CALN1: variants seen among roughly 807,000 people sequenced by gnomAD.
CALN1 encodes calneuron 1, also known as calcium-binding protein 8.
CALN1 carries 17 observed loss-of-function variants against 30.6 expected under a neutral mutation model. The observed-to-expected ratio is 0.56, with a 90% CI of 0.38 to 0.83. The LOEUF is 0.83. CALN1 is among the 40% of genes least tolerant of loss of function. CALN1 has a pLI of 0.00. For synonymous variants in CALN1, 156 were observed against 131.4 expected, an observed-to-expected ratio of 1.19 and a Z score of -1.28; for missense variants, 291 against 354.9, an observed-to-expected ratio of 0.82 and a Z score of 1.45.
intron 3 of CALN1, among the ~76,000 whole-genome samples, chr7:72,128,974 G>A (rs935038545): frequency 6.6e-6 from 1 of 152,170 alleles, no homozygotes; most frequent in Admixed American, 6.5e-5. Flanking sequence ...TGTTACAAAA[G>A]AGGAGCTAAT....
chr7:72,006,023 T>C (rs576412778), intron 5 of CALN1, among the ~76,000 whole-genome samples: 3 of 152,342 alleles, frequency 2.0e-5, no homozygotes, highest in Non-Finnish European at 4.4e-5. Flanking sequence ...TATTGTATTA[T>C]GGTTTTGGAA....
intron 2 of CALN1, among the ~76,000 whole-genome samples, chr7:72,291,763 C>A (rs913496828): frequency 6.6e-6 from 1 of 152,124 alleles, no homozygotes; most frequent in African/African-American, 2.4e-5. Flanking sequence ...CAGGCATGTA[C>A]CACAATGCCC....
chr7:72,058,550 C>T (rs1288917845), intron 4 of CALN1, among the ~76,000 whole-genome samples: 3 of 151,888 alleles, frequency 2.0e-5, no homozygotes, highest in Non-Finnish European at 4.4e-5. Flanking sequence ...AACTCCTGAC[C>T]TCAGGTGATC....
chr7:72,008,229 C>CA (rs35586872), intron 5 of CALN1, among the ~76,000 whole-genome samples: 3 of 151,588 alleles, frequency 2.0e-5, no homozygotes, highest in East Asian at 3.9e-4. Flanking sequence ...TATGATTATG[C>CA]AAAAAAATGA....
At chr7:72,408,377 G>T (rs1391954292) in intron 1 of CALN1, among the ~76,000 whole-genome samples, 1 of 151,990 alleles carries the variant, frequency 6.6e-6, no homozygotes, top group African/African-American at 2.4e-5. Flanking sequence ...CCCGGGAGGT[G>T]GAGGTTGCAG....
At chr7:71,995,268 C>G (rs556799739) in intron 5 of CALN1, among the ~76,000 whole-genome samples, 7 of 152,222 alleles carry the variant, frequency 4.6e-5, no homozygotes, top group Non-Finnish European at 7.3e-5. Flanking sequence ...CCGTGCTGAA[C>G]GCACCTGGCT....
At chr7:72,228,959 G>T (rs1793887267) in intron 3 of CALN1, among the ~76,000 whole-genome samples, 1 of 150,126 alleles carries the variant, frequency 6.7e-6, no homozygotes, top group South Asian at 2.1e-4. Flanking sequence ...TGTTGGTGGT[G>T]GGGGGCGGGG....
intron 5 of CALN1, among the ~76,000 whole-genome samples, chr7:71,965,897 G>A (rs1428240371): frequency 1.3e-5 from 2 of 151,386 alleles, no homozygotes; most frequent in Non-Finnish European, 1.5e-5. Flanking sequence ...TCTTCTTCCT[G>A]TAGAAAAGGA....
intron 3 of CALN1, among the ~76,000 whole-genome samples, chr7:72,186,786 C>A (rs1348602507): frequency 6.6e-6 from 1 of 151,502 alleles, no homozygotes; most frequent in African/African-American, 2.4e-5. Flanking sequence ...CGCACATGTA[C>A]CACCTTTTCT....
At chr7:72,347,183 C>A (rs906548367) in intron 2 of CALN1, among the ~76,000 whole-genome samples, 3 of 152,122 alleles carry the variant, frequency 2.0e-5, no homozygotes, top group South Asian at 2.1e-4. Flanking sequence ...GCAATGAAAT[C>A]CACATGAAAG....
chr7:72,239,283 AGCTAC>A (rs1441888238), intron 3 of CALN1, among the ~76,000 whole-genome samples: 1 of 152,142 alleles, frequency 6.6e-6, no homozygotes, highest in African/African-American at 2.4e-5. Context: ...TTGTATTCTC[AGCTAC>A]GCAGGAGGCT....
At chr7:72,151,978 G>A (rs891081884) in intron 3 of CALN1, among the ~76,000 whole-genome samples, 2 of 146,080 alleles carry the variant, frequency 1.4e-5, no homozygotes, top group Non-Finnish European at 3.0e-5. Context: ...GCGTGATTTC[G>A]GCTCACTGTA....
intron 2 of CALN1, among the ~76,000 whole-genome samples, chr7:72,370,586 G>A (rs552140765): frequency 2.0e-5 from 3 of 151,890 alleles, no homozygotes; most frequent in Non-Finnish European, 2.9e-5. Context: ...CCCGGGAGGC[G>A]GAGCTTAGAA....
At chr7:72,347,792 A>G (rs1437424958) in intron 2 of CALN1, among the ~76,000 whole-genome samples, 1 of 152,158 alleles carries the variant, frequency 6.6e-6, no homozygotes, top group African/African-American at 2.4e-5. Context: ...TTTTGCTTCT[A>G]TGTTACTAGG....
chr7:71,829,795 G>A (rs1241124860), intron 5 of CALN1, among the ~76,000 whole-genome samples: 1 of 152,118 alleles, frequency 6.6e-6, no homozygotes, highest in African/African-American at 2.4e-5. Context: ...AAACAAACAG[G>A]GCAAAGGAAA....
At chr7:71,878,254 G>A (rs1403971027) in intron 5 of CALN1, among the ~76,000 whole-genome samples, 1 of 152,026 alleles carries the variant, frequency 6.6e-6, no homozygotes, top group Non-Finnish European at 1.5e-5. Flanking sequence ...TGTATAATGT[G>A]GGCCAGGCAC....
intron 5 of CALN1, among the ~76,000 whole-genome samples, chr7:71,954,206 T>C (rs1796844365): frequency 6.6e-6 from 1 of 152,070 alleles, no homozygotes; most frequent in Non-Finnish European, 1.5e-5. Flanking sequence ...ATGCCTGTAA[T>C]CATAGCGCTT....
chr7:72,213,051 T>G (rs922281869), intron 3 of CALN1, among the ~76,000 whole-genome samples: 1 of 152,196 alleles, frequency 6.6e-6, no homozygotes, highest in Non-Finnish European at 1.5e-5. Context: ...GGGCTTGTGA[T>G]CAACCTGCTG....
intron 1 of CALN1, among the ~76,000 whole-genome samples, chr7:72,433,617 G>A (rs1808049323): frequency 6.6e-6 from 1 of 152,082 alleles, no homozygotes; most frequent in Non-Finnish European, 1.5e-5. Flanking sequence ...TTTTGGCTCT[G>A]CTTCCCTACT....
Sources: gnomAD v4.1 joint callset for allele counts (sites outside exome capture counted in the v4.1 genomes callset) on GRCh38, gnomAD v4.1.1 for gene constraint, MANE v1.5 for transcripts, NCBI Gene and HGNC (gene_info 2026-07-23, HGNC 2026-07-21) for gene names.